The following SCUBE1 variants were observed in gnomAD, a reference collection of about 807,000 sequenced individuals.
SCUBE1 encodes signal peptide, CUB domain and EGF like domain containing 1.
A neutral mutation model predicts 124.4 loss-of-function variants in SCUBE1; 59 were observed. That is an observed-to-expected ratio of 0.47 (90% confidence interval 0.38 to 0.59). The LOEUF (loss-of-function observed/expected upper bound fraction) is 0.59, where lower values mean the gene tolerates loss of function less well. Among genes scored for constraint, SCUBE1 ranks in the 20% least tolerant of loss-of-function variants. SCUBE1 has a pLI of 0.00. For synonymous variants in SCUBE1, 545 were observed against 550.9 expected (o/e 0.99, Z 0.15); for missense variants, 1,150 against 1,371.2 (o/e 0.84, Z 2.55).
At chr22:43,276,992 T>A (rs2146729356) in intron 4 of SCUBE1, among the ~76,000 whole-genome samples, 1 of 152,210 alleles carries the variant, frequency 6.6e-6, no homozygotes, top group South Asian at 2.1e-4. Context: ...GGTCCTTGTG[T>A]CCAAGGGCAT....
chr22:43,293,867 C>A (rs1925462630), intron 3 of SCUBE1, among the ~76,000 whole-genome samples: 1 of 152,230 alleles, frequency 6.6e-6, no homozygotes, highest in South Asian at 2.1e-4. Flanking sequence ...TACCTCATCC[C>A]TGTCACGAGG....
chr22:43,286,092 TG>T (rs2146745847), intron 4 of SCUBE1, among the ~76,000 whole-genome samples: 1 of 152,204 alleles, frequency 6.6e-6, no homozygotes, highest in East Asian at 1.9e-4. Flanking sequence ...TGTGGGGCCC[TG>T]GGCCAGGCCC....
At chr22:43,231,653 C>G in intron 8 of SCUBE1, 100 bp downstream of exon 8, 1 of 1,436,980 alleles carries the variant, frequency 7.0e-7, no homozygotes, top group Non-Finnish European at 9.4e-7. Context: ...CAGCCCCATC[C>G]GCATTCCCCT....
At chr22:43,292,582 C>CACAA (rs1752087563) in intron 3 of SCUBE1, among the ~76,000 whole-genome samples, 1 of 151,932 alleles carries the variant, frequency 6.6e-6, no homozygotes, top group South Asian at 2.1e-4. Context: ...CACACACACA[C>CACAA]ACACACACAC....
intron 4 of SCUBE1, among the ~76,000 whole-genome samples, chr22:43,284,773 G>A (rs1291877854): frequency 1.3e-5 from 2 of 151,978 alleles, no homozygotes; most frequent in African/African-American, 2.4e-5. Flanking sequence ...CGTCGTCGTC[G>A]TCGTCGTCAT....
chr22:43,329,410 G>GC, intron 2 of SCUBE1, among the ~76,000 whole-genome samples: 1 of 152,370 alleles, frequency 6.6e-6, no homozygotes, highest in African/African-American at 2.4e-5. Flanking sequence ...GAGATCTCCT[G>GC]CCCCTGCTGA....
intron 4 of SCUBE1, among the ~76,000 whole-genome samples, chr22:43,268,244 C>T (rs546658174): frequency 6.6e-6 from 1 of 152,370 alleles, no homozygotes; most frequent in African/African-American, 2.4e-5. Flanking sequence ...ACTCCGTCCT[C>T]CTGTGGCTCC....
chr22:43,250,022 C>T (rs558513838), intron 6 of SCUBE1, among the ~76,000 whole-genome samples: 3 of 152,376 alleles, frequency 2.0e-5, no homozygotes, highest in East Asian at 3.9e-4. Flanking sequence ...TGCCTGGCAC[C>T]GCGCTAAGCA....
Position 43,203,728 on chromosome 22 carries a change from G to C in SCUBE1, c.*269C>G, listed in dbSNP as rs746219324. On this transcript the variant is annotated 3_prime_UTR_variant, in exon 22 of 22. Coordinates refer to ENST00000360835, the MANE Select transcript of SCUBE1 (RefSeq NM_173050.5). ...TCCTGCAATCCTGCTACCTGCAGTC[G>C]GTCTGCCAGGGCTCAGGAGAGGGCG... 1 of 396,130 alleles carries C rather than the reference G, an allele frequency of 2.5e-6. No homozygotes were observed. The allele number at this position is 396,130 out of a possible 1,614,324, so 24.5% of individuals were successfully genotyped here. A position where few individuals can be genotyped will look rare whatever the true frequency, so the allele number is the denominator to read the frequency against.
chr22:43,224,172 T>C (rs140510284), intron 10 of SCUBE1, among the ~76,000 whole-genome samples: 3,310 of 152,350 alleles, frequency 0.022, 96 homozygotes, highest in African/African-American at 0.067. Context: ...CCAGTGTCCT[T>C]TGGGTGCCGT....
At chr22:43,272,167 A>G (rs1051694637) in intron 4 of SCUBE1, among the ~76,000 whole-genome samples, 4 of 152,012 alleles carry the variant, frequency 2.6e-5, no homozygotes, top group African/African-American at 9.7e-5. Context: ...GCTTTGACCA[A>G]TATGCCATAT....
At chr22:43,328,984 G>A (rs896091363) in intron 2 of SCUBE1, among the ~76,000 whole-genome samples, 2 of 152,248 alleles carry the variant, frequency 1.3e-5, no homozygotes, top group South Asian at 2.1e-4. Flanking sequence ...GCTGGTCCCA[G>A]ACTCTACCTT....
At chr22:43,274,510 A>G (rs139044) in intron 4 of SCUBE1, among the ~76,000 whole-genome samples, 68,125 of 152,112 alleles carry the variant, frequency 0.45, 17,413 homozygotes, top group Non-Finnish European at 0.59. Flanking sequence ...GCAGGTGCCC[A>G]GGCCATGGCC....
At chr22:43,262,619 G>A (rs975677845) in intron 5 of SCUBE1, 101 bp downstream of exon 5, 50 of 1,435,838 alleles carry the variant, frequency 3.5e-5, no homozygotes, top group Non-Finnish European at 4.5e-5. Context: ...ATGGGGCTGG[G>A]GACCCTCCCT....
intron 4 of SCUBE1, chr22:43,276,036 C>T (rs1470252270): frequency 6.6e-6 from 1 of 152,248 alleles, no homozygotes; most frequent in Admixed American, 6.5e-5. Flanking sequence ...GACGTGGGAT[C>T]CGGTCACACT....
chr22:43,225,427 C>T (rs1447432615), intron 10 of SCUBE1, among the ~76,000 whole-genome samples: 2 of 151,800 alleles, frequency 1.3e-5, no homozygotes, highest in Admixed American at 1.3e-4. Flanking sequence ...AATGAGTTCA[C>T]CTAAGTGTTA....
chr22:43,327,418 T>G (rs1207939117), intron 2 of SCUBE1, among the ~76,000 whole-genome samples: 1 of 152,118 alleles, frequency 6.6e-6, no homozygotes, highest in Admixed American at 6.5e-5. Flanking sequence ...TTCCTAACAC[T>G]GGAAGGGCTG....
At chr22:43,221,666 T>A (rs982026045) in intron 12 of SCUBE1, among the ~76,000 whole-genome samples, 11 of 152,220 alleles carry the variant, frequency 7.2e-5, no homozygotes, top group African/African-American at 2.7e-4. Flanking sequence ...TTTGAAATAC[T>A]ATAGATCCAG....
rs565118667 is a variant in SCUBE1, at chr22:43,268,157, C to T, written c.485-5312G>A. ...AGCTCTTCCAGAGCAGGGGCCCAGT[C>T]TACTCAGGCCCAACCCCAAGCCCCA... On this transcript the variant is annotated intron_variant, in intron 4 of 21. Transcript: ENST00000360835. Among the ~76,000 whole-genome samples the T allele has an allele frequency of 2.0e-5, 3 of 152,356 alleles. No homozygotes were observed. The South Asian group carries it at 6.2e-4, about 32-fold the overall frequency.
Sources: gnomAD v4.1 joint callset for allele counts (sites outside exome capture counted in the v4.1 genomes callset) on GRCh38, gnomAD v4.1.1 for gene constraint, MANE v1.5 for transcripts, NCBI Gene and HGNC (gene_info 2026-07-23, HGNC 2026-07-21) for gene names.